The following TRIM9 variants were observed in gnomAD, a reference collection of about 807,000 sequenced individuals.
TRIM9 encodes E3 ubiquitin-protein ligase TRIM9.
TRIM9 carries 26 observed loss-of-function variants against 78.3 expected under a neutral mutation model. The observed-to-expected ratio is 0.33, with a 90% CI of 0.24 to 0.46. The LOEUF is 0.46. TRIM9 is among the 20% of genes least tolerant of loss of function. The pLI, the probability that TRIM9 is intolerant of heterozygous loss-of-function variation, is 1.00. For missense variants in TRIM9, 787 were observed against 1,036.4 expected (o/e 0.76, Z 3.30); for synonymous variants, 398 against 416.5 (o/e 0.96, Z 0.54).
At chr14:51,059,380 T>C (rs1437125554) in intron 1 of TRIM9, among the ~76,000 whole-genome samples, 2 of 152,216 alleles carry the variant, frequency 1.3e-5, no homozygotes, top group Non-Finnish European at 2.9e-5. Flanking sequence ...AATATACAGA[T>C]GATAGGGTAG....
chr14:51,020,819 T>C (rs2057687142), intron 3 of TRIM9, among the ~76,000 whole-genome samples: 1 of 152,208 alleles, frequency 6.6e-6, no homozygotes, highest in African/African-American at 2.4e-5. Context: ...AAATTCCTCC[T>C]CCAGATTGCT....
At chr14:51,085,649 A>C (rs1269155331) in intron 1 of TRIM9, among the ~76,000 whole-genome samples, 1 of 152,252 alleles carries the variant, frequency 6.6e-6, no homozygotes, top group African/African-American at 2.4e-5. Flanking sequence ...GTGTTTTCAA[A>C]AATGGACTTA....
intron 1 of TRIM9, among the ~76,000 whole-genome samples, chr14:51,078,551 A>C (rs1341704704): frequency 1.3e-5 from 2 of 152,230 alleles, no homozygotes; most frequent in African/African-American, 2.4e-5. Context: ...GCCACTTGCC[A>C]CAACGTGGGT....
At chr14:51,083,789 A>G (rs903734324) in intron 1 of TRIM9, among the ~76,000 whole-genome samples, 4 of 152,192 alleles carry the variant, frequency 2.6e-5, no homozygotes, top group African/African-American at 4.8e-5. Context: ...CTATGACCTC[A>G]ATAACAAAAA....
At chr14:50,985,224 C>T (rs935285801) in intron 8 of TRIM9, among the ~76,000 whole-genome samples, 2 of 152,198 alleles carry the variant, frequency 1.3e-5, no homozygotes, top group Middle Eastern at 3.2e-3. Flanking sequence ...TCTGTCACAA[C>T]CAGCTTGGCT....
intron 3 of TRIM9, among the ~76,000 whole-genome samples, chr14:51,011,151 T>G (rs1364331790): frequency 6.6e-6 from 1 of 152,166 alleles, no homozygotes; most frequent in African/African-American, 2.4e-5. Flanking sequence ...CACTGCCTCA[T>G]TTGGAGAGCA....
chr14:51,033,052 T>C (rs181777467), intron 1 of TRIM9, among the ~76,000 whole-genome samples: 116 of 152,314 alleles, frequency 7.6e-4, no homozygotes, highest in Non-Finnish European at 1.5e-3. Flanking sequence ...CTAATCATTC[T>C]GGATAAGAGA....
rs2064777333 is a variant in TRIM9 at position 51,094,772 on chromosome 14, C to T, written c.168G>A (p.Gly56=). Reference sequence around the variant, plus strand: ...GGTCCAGATAGTCATAGTCGGAGACCCCGGAGCCCGCGGCCCGATGGCTCT... The same window carrying T: ...GGTCCAGATAGTCATAGTCGGAGACTCCGGAGCCCGCGGCCCGATGGCTCT... ...SPQSHRAAGS[G]VSDYDYLDLD... The change falls in exon 1 of 13, where the codon GGG becomes GGA. Residue 56 remains glycine, a synonymous_variant. Coordinates refer to ENST00000684578, the MANE Select transcript of TRIM9 (RefSeq NM_001387360.1). 3 of 1,527,684 alleles carry T rather than the reference C, an allele frequency of 2.0e-6. No individual in the cohort carries two copies. Among genetic ancestry groups the T allele is most frequent in the Non-Finnish European group, 2.6e-6 (3 of 1,139,900 alleles). The allele number at this position is 1,527,684 out of a possible 1,614,324, so 94.6% of individuals were successfully genotyped here.
intron 1 of TRIM9, among the ~76,000 whole-genome samples, chr14:51,070,953 G>C (rs2062170691): frequency 6.6e-6 from 1 of 152,078 alleles, no homozygotes; most frequent in Non-Finnish European, 1.5e-5. Context: ...AATAGAAAAT[G>C]ATGAGTCAGA....
intron 1 of TRIM9, among the ~76,000 whole-genome samples, chr14:51,048,916 G>A (rs975196509): frequency 1.3e-5 from 2 of 151,096 alleles, no homozygotes; most frequent in Non-Finnish European, 3.0e-5. Context: ...CCCAGGAGGC[G>A]GTGCTTGCAG....
intron 5 of TRIM9, among the ~76,000 whole-genome samples, chr14:51,008,472 G>C (rs1471847495): frequency 6.6e-6 from 1 of 152,202 alleles, no homozygotes. Flanking sequence ...GTTGGCTTGA[G>C]TTGTTATTTT....
chr14:51,070,826 C>G (rs1213114722), intron 1 of TRIM9, among the ~76,000 whole-genome samples: 2 of 152,156 alleles, frequency 1.3e-5, no homozygotes, highest in African/African-American at 4.8e-5. Context: ...TTCCTGTGGA[C>G]CAAATATGCA....
At chr14:51,075,066 C>T (rs536718246) in intron 1 of TRIM9, among the ~76,000 whole-genome samples, 3 of 152,180 alleles carry the variant, frequency 2.0e-5, no homozygotes, top group South Asian at 2.1e-4. Context: ...AAGTCTAGAT[C>T]CCAATTAAAT....
intron 5 of TRIM9, among the ~76,000 whole-genome samples, chr14:51,004,723 G>A (rs2055532568): frequency 6.6e-6 from 1 of 152,166 alleles, no homozygotes; most frequent in Non-Finnish European, 1.5e-5. Context: ...ACACAGTAAG[G>A]TTTTACAGCT....
intron 5 of TRIM9, among the ~76,000 whole-genome samples, chr14:51,006,954 C>T (rs2055888652): frequency 6.6e-6 from 1 of 152,190 alleles, no homozygotes; most frequent in Non-Finnish European, 1.5e-5. Flanking sequence ...TTCCCATACC[C>T]AGTGAAGGGC....
intron 3 of TRIM9, among the ~76,000 whole-genome samples, chr14:51,021,559 C>G (rs186832413): frequency 5.3e-4 from 80 of 152,310 alleles, no homozygotes; most frequent in Non-Finnish European, 8.5e-4. Context: ...CTTCATGTCC[C>G]TGCCTCCTCC....
intron 3 of TRIM9, among the ~76,000 whole-genome samples, chr14:51,011,675 T>C (rs7157686): frequency 0.85 from 129,336 of 152,244 alleles, 55,191 homozygotes; most frequent in African/African-American, 0.89. Context: ...TTTTTGGTTA[T>C]AAATTTATTT....
intron 3 of TRIM9, among the ~76,000 whole-genome samples, chr14:51,020,064 G>T (rs2057600504): frequency 6.6e-6 from 1 of 152,152 alleles, no homozygotes; most frequent in African/African-American, 2.4e-5. Context: ...TCCTCTCTTT[G>T]TCAGCAAAAA....
intron 7 of TRIM9, chr14:50,996,522 A>G: frequency 4.1e-6 from 4 of 985,438 alleles, no homozygotes; most frequent in Non-Finnish European, 4.8e-6. Flanking sequence ...ATCTGATAAC[A>G]CATATTAGCA....
Sources: gnomAD v4.1 joint callset for allele counts (sites outside exome capture counted in the v4.1 genomes callset) on GRCh38, gnomAD v4.1.1 for gene constraint, MANE v1.5 for transcripts, NCBI Gene and HGNC (gene_info 2026-07-23, HGNC 2026-07-21) for gene names.